The following CAST variants were observed in gnomAD, a reference collection of about 807,000 sequenced individuals.
The protein encoded by CAST is MIR583 host.
CAST carries 76 observed loss-of-function variants against 119.6 expected under a neutral mutation model. The ratio of observed to expected loss-of-function variants is 0.64; its 90% CI spans 0.53 to 0.77. The LOEUF is 0.77. Ranked by LOEUF, CAST falls within the 30% of genes least tolerant of loss-of-function variation. CAST has a pLI of 0.00. For missense variants in CAST, 953 were observed against 946.5 expected (o/e 1.01, Z -0.09); for synonymous variants, 319 against 331.6 (o/e 0.96, Z 0.41).
the CAST span, among the ~76,000 whole-genome samples, chr5:96,182,544 G>A: frequency 1.3e-5 from 2 of 152,114 alleles, no homozygotes; most frequent in Admixed American, 6.5e-5. Flanking sequence ...ATCAAGTGTA[G>A]GTAAAAGTTT....
the CAST span, among the ~76,000 whole-genome samples, chr5:96,299,823 C>T: frequency 2.6e-5 from 4 of 151,930 alleles, no homozygotes; most frequent in Non-Finnish European, 5.9e-5. Context: ...CTTTGAGGTA[C>T]AAAGTGATGA....
chr5:96,546,390 T>C (rs1746018675), intron 1 of CAST: 1 of 152,192 alleles, frequency 6.6e-6, no homozygotes, highest in Non-Finnish European at 1.5e-5. Context: ...TATATATTGC[T>C]TCTTGCCCAG....
chr5:96,461,166 C>A, the CAST span, among the ~76,000 whole-genome samples: 3 of 152,136 alleles, frequency 2.0e-5, no homozygotes, highest in Admixed American at 6.5e-5. Flanking sequence ...TTTCAAGATT[C>A]CTTCATGCTG....
At chr5:96,490,705 C>T in the CAST span, among the ~76,000 whole-genome samples, 1 of 151,878 alleles carries the variant, frequency 6.6e-6, no homozygotes, top group South Asian at 2.1e-4. Flanking sequence ...ATAGGAAAAA[C>T]ATAAATCTGA....
chr5:96,561,935 GAC>G (rs373230469), intron 1 of CAST, among the ~76,000 whole-genome samples: 48,044 of 145,776 alleles, frequency 0.33, 8,585 homozygotes, highest in Middle Eastern at 0.45. Flanking sequence ...TGGGACTACA[GAC>G]GCCCGCTACC....
At chr5:96,528,534 G>A (rs1327574036), upstream of CAST, among the ~76,000 whole-genome samples, 1 of 152,138 alleles carries the variant, frequency 6.6e-6, no homozygotes, top group African/African-American at 2.4e-5. Context: ...ATACTGAAAA[G>A]GCTTCAGTTG....
chr5:96,335,756 C>T, the CAST span, among the ~76,000 whole-genome samples: 42 of 152,296 alleles, frequency 2.8e-4, no homozygotes, highest in African/African-American at 9.1e-4. Flanking sequence ...TGTATCACTT[C>T]CCTCCAACCT....
intron 1 of CAST, among the ~76,000 whole-genome samples, chr5:96,645,443 C>T (rs2150204045): frequency 1.3e-5 from 2 of 152,204 alleles, no homozygotes; most frequent in Non-Finnish European, 2.9e-5. Context: ...CCAGTGCATG[C>T]CCAAATAATT....
In CAST at chr5:96,698,825, T is replaced by C. The variant is rs576609778; in HGVS notation, c.210+2918T>C. Among the ~76,000 whole-genome samples, 16 of 152,304 alleles carry C rather than the reference T, an allele frequency of 1.1e-4. No individual in the cohort carries two copies. In the South Asian group the frequency reaches 3.3e-3, roughly 32 times the overall value. On this transcript the variant is annotated intron_variant, in intron 3 of 31. Transcript: ENST00000675179. ...TTTCTTGATTCTGGAAATAGTTAAT[T>C]TGAAATTCAAAATAAGTGATAATTT...
At chr5:96,487,891 G>A in the CAST span, among the ~76,000 whole-genome samples, 1 of 152,130 alleles carries the variant, frequency 6.6e-6, no homozygotes, top group Non-Finnish European at 1.5e-5. Flanking sequence ...TGGGGTATAT[G>A]CCATTATACA....
chr5:96,117,022 C>T, the CAST span, among the ~76,000 whole-genome samples: 6 of 152,192 alleles, frequency 3.9e-5, no homozygotes, highest in African/African-American at 1.4e-4. Flanking sequence ...CTGGCTTGCT[C>T]ATGTCTTGGT....
At chr5:96,036,577 G>A in the CAST span, among the ~76,000 whole-genome samples, 1 of 152,090 alleles carries the variant, frequency 6.6e-6, no homozygotes, top group Non-Finnish European at 1.5e-5. Flanking sequence ...GGCCTTGCTT[G>A]GTGAATATTT....
intron 3 of CAST, among the ~76,000 whole-genome samples, chr5:96,715,367 C>T (rs1001687362): frequency 1.3e-5 from 2 of 152,152 alleles, no homozygotes; most frequent in African/African-American, 4.8e-5. Flanking sequence ...TCTATCTACA[C>T]ATTTTGTAAA....
chr5:96,569,910 T>C (rs1259863684), intron 1 of CAST, among the ~76,000 whole-genome samples: 1 of 152,206 alleles, frequency 6.6e-6, no homozygotes, highest in Non-Finnish European at 1.5e-5. Context: ...GGGTTTAACA[T>C]TGTGCTTCAC....
chr5:96,146,742 A>C, the CAST span, among the ~76,000 whole-genome samples: 1 of 152,090 alleles, frequency 6.6e-6, no homozygotes, highest in Admixed American at 6.5e-5. Context: ...ATGACATCTC[A>C]TTAGCTTAAC....
At chr5:96,166,649 C>G in the CAST span, among the ~76,000 whole-genome samples, 1 of 152,102 alleles carries the variant, frequency 6.6e-6, no homozygotes, top group Admixed American at 6.6e-5. Flanking sequence ...AGAAAAATGT[C>G]TAATGAATAT....
At chr5:96,456,627 C>T in the CAST span, among the ~76,000 whole-genome samples, 79 of 152,322 alleles carry the variant, frequency 5.2e-4, no homozygotes, top group African/African-American at 1.6e-3. Context: ...CAATTGAGTG[C>T]CTACCCTGTA....
the CAST span, among the ~76,000 whole-genome samples, chr5:96,296,281 A>T: frequency 2.0e-5 from 3 of 152,214 alleles, no homozygotes; most frequent in African/African-American, 7.2e-5. Context: ...GAAATAATAC[A>T]GTATCTTTGA....
the CAST span, among the ~76,000 whole-genome samples, chr5:96,476,272 T>G: frequency 6.6e-6 from 1 of 152,368 alleles, no homozygotes; most frequent in East Asian, 1.9e-4. Context: ...ATTAGAATTA[T>G]TTTTATTGAT....
Sources: gnomAD v4.1 joint callset for allele counts (sites outside exome capture counted in the v4.1 genomes callset) on GRCh38, gnomAD v4.1.1 for gene constraint, MANE v1.5 for transcripts, NCBI Gene and HGNC (gene_info 2026-07-23, HGNC 2026-07-21) for gene names.